FAM163A: variants seen among roughly 807,000 people sequenced by gnomAD.
The protein encoded by FAM163A is protein FAM163A.
In FAM163A, 7 loss-of-function variants were observed where a neutral mutation model predicts 12.0. The ratio of observed to expected loss-of-function variants is 0.58; its 90% CI spans 0.33 to 1.10. FAM163A has a LOEUF of 1.10. FAM163A is among the 50% of genes least tolerant of loss of function. FAM163A has a pLI of 0.03. For missense variants in FAM163A, 202 were observed against 218.6 expected, an observed-to-expected ratio of 0.92 and a Z score of 0.48; for synonymous variants, 101 against 91.0, an observed-to-expected ratio of 1.11 and a Z score of -0.62.
the FAM163A span, among the ~76,000 whole-genome samples, chr1:179,728,333 T>C: frequency 0.034 from 5,211 of 152,238 alleles, 302 homozygotes; most frequent in African/African-American, 0.12. Context: ...AAAGTTACTT[T>C]TTCAGGAATT....
the FAM163A span, among the ~76,000 whole-genome samples, chr1:179,735,626 C>G: frequency 1.2e-4 from 18 of 150,688 alleles, no homozygotes; most frequent in African/African-American, 4.1e-4. Flanking sequence ...GTCTCAGCCT[C>G]CTGAGTAGCT....
At chr1:179,770,410 G>A (rs930691991) in intron 1 of FAM163A, among the ~76,000 whole-genome samples, 3 of 152,042 alleles carry the variant, frequency 2.0e-5, no homozygotes, top group Non-Finnish European at 4.4e-5. Context: ...CTTCCCATCT[G>A]TTCTTCTGAT....
intron 1 of FAM163A, among the ~76,000 whole-genome samples, chr1:179,786,185 A>T (rs1225388678): frequency 6.6e-6 from 1 of 152,220 alleles, no homozygotes; most frequent in Non-Finnish European, 1.5e-5. Flanking sequence ...GCCACTTAGT[A>T]CCTACTAACA....
the FAM163A span, among the ~76,000 whole-genome samples, chr1:179,731,611 C>A: frequency 6.6e-6 from 1 of 152,158 alleles, no homozygotes; most frequent in African/African-American, 2.4e-5. Context: ...TGATGCCCAC[C>A]TTGAGCTAAA....
intron 1 of FAM163A, among the ~76,000 whole-genome samples, chr1:179,784,507 G>C (rs909277250): frequency 6.6e-6 from 1 of 152,172 alleles, no homozygotes; most frequent in Non-Finnish European, 1.5e-5. Flanking sequence ...GCAGTGCCTG[G>C]CACATGGCAG....
chr1:179,805,049 G>C (rs1441472711), intron 1 of FAM163A, among the ~76,000 whole-genome samples: 1 of 152,128 alleles, frequency 6.6e-6, no homozygotes, highest in Non-Finnish European at 1.5e-5. Context: ...TGCTCAAAAA[G>C]CAACTTTAAT....
intron 1 of FAM163A, among the ~76,000 whole-genome samples, chr1:179,796,132 TACAC>T (rs35899165): frequency 0.015 from 2,244 of 145,362 alleles, 59 homozygotes; most frequent in African/African-American, 0.051. Flanking sequence ...CATTCAATAA[TACAC>T]ACACACACAC....
At chr1:179,741,951 C>T (rs1683706287), upstream of FAM163A, 1 of 152,172 alleles carries the variant, frequency 6.6e-6, no homozygotes, top group Non-Finnish European at 1.5e-5. Context: ...TTTCACTTTT[C>T]TGTGTTACAG....
intron 1 of FAM163A, among the ~76,000 whole-genome samples, chr1:179,792,734 A>G (rs6690639): frequency 0.4 from 60,400 of 151,766 alleles, 12,633 homozygotes; most frequent in African/African-American, 0.5. Flanking sequence ...ATACTAAAAC[A>G]CCCCTACCAA....
chr1:179,759,495 G>C (rs781416734), intron 1 of FAM163A, among the ~76,000 whole-genome samples: 17 of 152,160 alleles, frequency 1.1e-4, no homozygotes, highest in Non-Finnish European at 2.1e-4. Flanking sequence ...TAAGGGACAA[G>C]AAGGAGCCAG....
At chr1:179,732,318 G>A in the FAM163A span, among the ~76,000 whole-genome samples, 1 of 152,182 alleles carries the variant, frequency 6.6e-6, no homozygotes, top group Non-Finnish European at 1.5e-5. Context: ...ACAGAAATTG[G>A]ATGTGAACTT....
At chr1:179,785,609 G>A (rs191414148) in intron 1 of FAM163A, among the ~76,000 whole-genome samples, 29 of 152,226 alleles carry the variant, frequency 1.9e-4, no homozygotes, top group East Asian at 5.8e-4. Context: ...GTATGAGTTC[G>A]AGGCAAAACC....
chr1:179,801,568 C>T (rs1693184200), intron 1 of FAM163A, among the ~76,000 whole-genome samples: 3 of 152,156 alleles, frequency 2.0e-5, no homozygotes, highest in Admixed American at 2.0e-4. Context: ...TAATCCTCAC[C>T]CTGTAGAGAA....
chr1:179,734,484 T>C, the FAM163A span, among the ~76,000 whole-genome samples: 1 of 152,210 alleles, frequency 6.6e-6, no homozygotes, highest in African/African-American at 2.4e-5. Flanking sequence ...AGAAATTTAT[T>C]TCTCACCGTT....
chr1:179,787,642 TC>T (rs1690842153), intron 1 of FAM163A, among the ~76,000 whole-genome samples: 1 of 151,982 alleles, frequency 6.6e-6, no homozygotes, highest in South Asian at 2.1e-4. Context: ...GCTCTACAGC[TC>T]CCCCAAAGTG....
chr1:179,795,127 T>C (rs554432679), intron 1 of FAM163A, among the ~76,000 whole-genome samples: 1 of 152,156 alleles, frequency 6.6e-6, no homozygotes, highest in Non-Finnish European at 1.5e-5. Context: ...CAAGGATTAA[T>C]CTAAAGAGGA....
chr1:179,761,891 G>A (rs1227749666), intron 1 of FAM163A, among the ~76,000 whole-genome samples: 1 of 152,022 alleles, frequency 6.6e-6, no homozygotes, highest in Admixed American at 6.5e-5. Flanking sequence ...CCTCACAGCA[G>A]TTCTGGGAGG....
chr1:179,759,733 G>C (rs2504052), intron 1 of FAM163A, among the ~76,000 whole-genome samples: 114,176 of 151,652 alleles, frequency 0.75, 43,390 homozygotes, highest in East Asian at 1. Flanking sequence ...GCGGCACAAT[G>C]TTGTCTCACT....
chr1:179,750,711 A>G (rs1355663222), intron 1 of FAM163A, among the ~76,000 whole-genome samples: 3 of 152,252 alleles, frequency 2.0e-5, no homozygotes, highest in African/African-American at 7.2e-5. Flanking sequence ...GTACTTGAGC[A>G]GTAGGATGAC....
Sources: gnomAD v4.1 joint callset for allele counts (sites outside exome capture counted in the v4.1 genomes callset) on GRCh38, gnomAD v4.1.1 for gene constraint, MANE v1.5 for transcripts, NCBI Gene and HGNC (gene_info 2026-07-23, HGNC 2026-07-21) for gene names.